Variants in ZIK1 observed in about 807,000 individuals in gnomAD.
The protein encoded by ZIK1 is zinc finger protein interacting with ribonucleoprotein K.
In ZIK1, 12 loss-of-function variants were observed where a neutral mutation model predicts 10.7. The observed-to-expected ratio is 1.12, with a 90% CI of 0.72 to 1.81. The LOEUF (loss-of-function observed/expected upper bound fraction) is 1.81, where lower values mean the gene tolerates loss of function less well. Among genes scored for constraint, ZIK1 ranks in the 40% most tolerant of loss-of-function variants. The pLI is 0.00. For synonymous variants in ZIK1, 190 were observed against 205.0 expected (o/e 0.93, Z 0.63); for missense variants, 497 against 585.7 (o/e 0.85, Z 1.56).
rs762186033 is a variant in ZIK1, at chr19:57,591,195, C to G, written c.1384C>G (p.Pro462Ala). Residue 462 changes from proline (P) to alanine (A), a missense_variant, in exon 4 of 4, where the codon CCT becomes GCT. Physicochemically the swap from Pro to Ala is conservative, Grantham distance 27. Coordinates refer to ENST00000597850, the MANE Select transcript of ZIK1 (RefSeq NM_001010879.4). ...QHQVVHTGER[P>A]YECNKCGNSF... ...CCAAGTGGTTCACACTGGAGAAAGG[C>G]CTTATGAGTGCAACAAATGTGGGAA... 3 of 1,614,198 alleles carry G rather than the reference C, an allele frequency of 1.9e-6. No individual in the cohort carries two copies. The highest frequency in any genetic ancestry group is 2.5e-6 in the Non-Finnish European group (3 of 1,180,018).
intron 3 of ZIK1, chr19:57,589,132 G>T: frequency 3.4e-6 from 1 of 292,380 alleles, no homozygotes; most frequent in Non-Finnish European, 5.1e-6. Context: ...GTGCTGAGTC[G>T]TTCTGCATCA....
intron 2 of ZIK1, among the ~76,000 whole-genome samples, chr19:57,586,709 GT>G (rs1979191271): frequency 6.6e-6 from 1 of 152,194 alleles, no homozygotes; most frequent in African/African-American, 2.4e-5. Flanking sequence ...ATGATCTGGT[GT>G]ATCAGTCCAT....
chr19:57,593,417 A>T lies in ZIK1; in HGVS notation c.*2142A>T, dbSNP rs1979876944. 1 of 152,198 alleles carries T rather than the reference A, an allele frequency of 6.6e-6. No homozygotes were observed. The highest frequency in any genetic ancestry group is 1.5e-5 in the Non-Finnish European group (1 of 68,044). The allele number at this position is 152,198 out of a possible 1,614,324, so 9.4% of individuals were successfully genotyped here. On this transcript the variant is annotated 3_prime_UTR_variant, in exon 4 of 4. Coordinates refer to ENST00000597850, the MANE Select transcript of ZIK1 (RefSeq NM_001010879.4). Reference sequence around the variant, plus strand: ...TGTATTGCTGAGAAATAGTCTGTGGATATGTCACAATTTGGATAAACAGTT... The same window carrying T: ...TGTATTGCTGAGAAATAGTCTGTGGTTATGTCACAATTTGGATAAACAGTT...
rs186585572 is a variant in ZIK1, at chr19:57,592,490, G to C, written c.*1215G>C. 3.3e-5 allele frequency: 5 copies of C among 152,338 alleles called. No individual in the cohort carries two copies. Among genetic ancestry groups the C allele is most frequent in the Non-Finnish European group, 2.9e-5 (2 of 68,028 alleles). 9.4% of individuals were successfully genotyped at this position (152,338 alleles called of 1,614,324 possible). On this transcript the variant is annotated 3_prime_UTR_variant, in exon 4 of 4. Coordinates refer to ENST00000597850, the MANE Select transcript of ZIK1 (RefSeq NM_001010879.4). ...TTTTTAATTCTTGTTGGTTTTCTAG[G>C]TTGTTCACCTCAAGTGCATTGCTGT...
intron 2 of ZIK1, among the ~76,000 whole-genome samples, chr19:57,586,925 G>A (rs188218167): frequency 2.6e-5 from 4 of 152,278 alleles, no homozygotes; most frequent in Non-Finnish European, 4.4e-5. Flanking sequence ...TCATGCTGCT[G>A]ATAAAGATGT....
chr19:57,585,883 ATTTTT>A (rs59607792), intron 2 of ZIK1, among the ~76,000 whole-genome samples: 40 of 130,116 alleles, frequency 3.1e-4, no homozygotes, highest in East Asian at 8.9e-4. Context: ...TGCCCAGCGA[ATTTTT>A]TTTTTTTTTT....
At chr19:57,584,637 A>C in intron 1 of ZIK1, 2 of 1,383,892 alleles carry the variant, frequency 1.4e-6, no homozygotes, top group Non-Finnish European at 1.9e-6. Context: ...CTCAATTCTT[A>C]GGATGCTAGG....
chr19:57,585,325 G>T (rs1979050339), intron 2 of ZIK1, among the ~76,000 whole-genome samples: 1 of 152,196 alleles, frequency 6.6e-6, no homozygotes, highest in African/African-American at 2.4e-5. Context: ...GAGAAATTGG[G>T]TGTTTTTTCT....
Position 57,590,020 on chromosome 19 carries a change from A to G in ZIK1, c.209A>G (p.His70Arg). The G allele has an allele frequency of 6.2e-7, 1 of 1,612,320 alleles. No homozygotes were observed. The highest frequency in any genetic ancestry group is 8.5e-7 in the Non-Finnish European group (1 of 1,178,414). The change falls in exon 4 of 4, where the codon CAT becomes CGT. Residue 70 changes from histidine to arginine, a missense_variant. By Grantham distance (29) the His-to-Arg change is conservative. Transcript: ENST00000597850. ...FALVASLGCG[H>R]GTEDEETPSD... ...GGTTCTCTGCTTTCAGGTTGTGGCC[A>G]TGGAACAGAGGATGAAGAGACACCT... is the stretch of plus-strand genomic sequence containing the variant.
intron 2 of ZIK1, among the ~76,000 whole-genome samples, chr19:57,585,610 A>G (rs575296740): frequency 6.6e-6 from 1 of 152,288 alleles, no homozygotes; most frequent in East Asian, 1.9e-4. Flanking sequence ...GGTAAGAGAT[A>G]CTGGTCAAGC....
chr19:57,590,917 A>G lies in ZIK1; in HGVS notation c.1106A>G (p.His369Arg). 1 of 1,613,602 alleles carries G rather than the reference A, an allele frequency of 6.2e-7. No individual in the cohort carries two copies. Among genetic ancestry groups the G allele is most frequent in the Non-Finnish European group, 8.5e-7 (1 of 1,179,682 alleles). The change falls in exon 4 of 4, where the codon CAC (histidine) becomes CGC (arginine). Residue 369 changes from histidine (H) to arginine (R), a missense_variant. Coordinates refer to ENST00000597850, the MANE Select transcript of ZIK1 (RefSeq NM_001010879.4). ...SFSQSAILNQ[H>R]RRIHTGAKPY... ...AGTCAAAGTGCCATTCTTAATCAAC[A>G]CCGAAGAATTCACACTGGAGCAAAG...
rs978904510 is a variant in ZIK1 at position 57,593,201 on chromosome 19, C to G, written c.*1926C>G. 2 of 151,912 alleles carry G rather than the reference C, an allele frequency of 1.3e-5. No individual in the cohort carries two copies. The highest frequency in any genetic ancestry group is 2.9e-5 in the Non-Finnish European group (2 of 68,004). 9.4% of individuals were successfully genotyped at this position (151,912 alleles called of 1,614,324 possible). A position where few individuals can be genotyped will look rare whatever the true frequency, so the allele number is the denominator to read the frequency against. ...GGACTACAGGCATGCACTACCACGCCCAACTAATTTTTGTATTTTTAGTAG... is the reference window on the plus strand; with the variant it reads ...GGACTACAGGCATGCACTACCACGCGCAACTAATTTTTGTATTTTTAGTAG... On this transcript the variant is annotated 3_prime_UTR_variant, in exon 4 of 4. Coordinates refer to ENST00000597850, the MANE Select transcript of ZIK1 (RefSeq NM_001010879.4).
In ZIK1 at chr19:57,590,763, A is replaced by G; in HGVS notation, c.952A>G (p.Thr318Ala). The G allele has an allele frequency of 6.2e-7, 1 of 1,614,214 alleles. No homozygotes were observed. The highest frequency in any genetic ancestry group is 8.5e-7 in the Non-Finnish European group (1 of 1,180,048). The change falls in exon 4 of 4, where the codon ACT becomes GCT. Residue 318 changes from threonine to alanine, a missense_variant. Transcript: ENST00000597850. Reference sequence around the variant, plus strand: ...CCTTGTTGACCACCAGAAAATACACACTGGAGCAAGGCCTTATGAGTGTAG... The same window carrying G: ...CCTTGTTGACCACCAGAAAATACACGCTGGAGCAAGGCCTTATGAGTGTAG... ...SSLVDHQKIH[T>A]GARPYECSQC... is the part of the protein sequence containing the mutation.
Position 57,584,291 on chromosome 19 carries a change from C to G in ZIK1, c.-66C>G. 6.5e-7 allele frequency: 1 copy of G among 1,532,724 alleles called. No homozygotes were observed. The highest frequency in any genetic ancestry group is 8.8e-7 in the Non-Finnish European group (1 of 1,137,158). 94.9% of individuals were successfully genotyped at this position (1,532,724 alleles called of 1,614,324 possible). ...TAAGGGTCGGCGGCGGCGGGGTTGA[C>G]GGCTTTGCCTAGGTCCCTCCGCCCG... On this transcript the variant is annotated 5_prime_UTR_variant, in exon 1 of 4. Transcript: ENST00000597850.
intron 2 of ZIK1, among the ~76,000 whole-genome samples, chr19:57,587,935 G>A (rs561415068): frequency 6.6e-6 from 1 of 152,212 alleles, no homozygotes; most frequent in South Asian, 2.1e-4. Context: ...TGATTGAAGA[G>A]GGGACATCAA....
At chr19:57,589,225 C>T (rs1979438183) in intron 3 of ZIK1, 2 of 980,678 alleles carry the variant, frequency 2.0e-6, no homozygotes, top group East Asian at 2.3e-4. Flanking sequence ...TGAGGGTGTG[C>T]AGAGAAACCT....
intron 2 of ZIK1, among the ~76,000 whole-genome samples, chr19:57,585,490 G>C (rs912195455): frequency 2.0e-5 from 3 of 152,198 alleles, no homozygotes; most frequent in Non-Finnish European, 2.9e-5. Context: ...CAGTGGCCAA[G>C]GTGAGTTTTG....
In ZIK1 at chr19:57,586,270, A is replaced by G. The variant is rs1294062124; in HGVS notation, c.72+1280A>G. 2.0e-5 allele frequency among the ~76,000 whole-genome samples: 3 copies of G among 151,886 alleles called. No homozygotes were observed. The East Asian group carries it at 5.8e-4, about 30-fold the overall frequency. ...GGTCTTGAAGATAATGCTATTTATA[A>G]TGCAGGAAAGGGCTGGGTGTGGTGG... On this transcript the variant is annotated intron_variant, in intron 2 of 3. Transcript: ENST00000597850.
rs1333297054 is a variant in ZIK1, at chr19:57,593,743, GTATTT to G, written c.*2472_*2476del. ...TCTGTGATTTTATTGCATTTTTCTG[GTATTT>G]TATGGTATTGAACATTTGAACATCT... On this transcript the variant is annotated 3_prime_UTR_variant, in exon 4 of 4. Coordinates refer to ENST00000597850, the MANE Select transcript of ZIK1 (RefSeq NM_001010879.4). The G allele has an allele frequency of 4.0e-5, 6 of 148,436 alleles. No individual in the cohort carries two copies. Among genetic ancestry groups the G allele is most frequent in the Admixed American group, 6.8e-5 (1 of 14,734 alleles). The allele number at this position is 148,436 out of a possible 1,614,324, so 9.2% of individuals were successfully genotyped here.
Sources: gnomAD v4.1 joint callset for allele counts (sites outside exome capture counted in the v4.1 genomes callset) on GRCh38, gnomAD v4.1.1 for gene constraint, MANE v1.5 for transcripts, NCBI Gene and HGNC (gene_info 2026-07-23, HGNC 2026-07-21) for gene names.